Variants in SP3 observed in about 807,000 individuals in gnomAD.
SP3 encodes the protein transcription factor Sp3.
SP3 carries 10 observed loss-of-function variants against 70.3 expected under a neutral mutation model. The observed-to-expected ratio is 0.14, with a 90% CI of 0.09 to 0.24. SP3 has a LOEUF of 0.24. SP3 is among the 10% of genes least tolerant of loss of function. The probability of loss-of-function intolerance (pLI) is 1.00; values close to 1 mark genes in which losing one functional copy is unlikely to be tolerated. For missense variants in SP3, 825 were observed against 914.6 expected (o/e 0.90, Z 1.26); for synonymous variants, 402 against 333.5 (o/e 1.21, Z -2.24).
At chr2:173,918,478 C>A in intron 5 of SP3, 115 bp downstream of exon 5, 2 of 1,126,216 alleles carry the variant, frequency 1.8e-6, no homozygotes, top group African/African-American at 1.5e-5. Context: ...TACACACACA[C>A]CAAAAATGAT....
chr2:173,911,877 G>A (rs1689495243), intron 6 of SP3, among the ~76,000 whole-genome samples: 1 of 136,350 alleles, frequency 7.3e-6, no homozygotes, highest in South Asian at 2.3e-4. Context: ...GCAGTACAGT[G>A]GCATGACCTT....
intron 4 of SP3, among the ~76,000 whole-genome samples, chr2:173,923,937 C>T (rs1184427016): frequency 6.6e-6 from 1 of 151,886 alleles, no homozygotes; most frequent in Non-Finnish European, 1.5e-5. Flanking sequence ...TTCAGAGGTA[C>T]CAAGTTTTTT....
chr2:173,950,607 G>T (rs114930546), intron 4 of SP3, among the ~76,000 whole-genome samples: 2 of 149,842 alleles, frequency 1.3e-5, no homozygotes, highest in Non-Finnish European at 3.0e-5. Context: ...ATCACAATGC[G>T]TTATAATCAT....
intron 3 of SP3, among the ~76,000 whole-genome samples, chr2:173,961,949 T>TTG (rs1559112154): frequency 6.0e-4 from 90 of 150,834 alleles, no homozygotes; most frequent in African/African-American, 2.1e-3. Context: ...TTTTTTTTTT[T>TTG]TTTTTTTTTT....
chr2:173,933,659 T>TATATAC (rs1427296835), intron 4 of SP3, among the ~76,000 whole-genome samples: 2 of 142,166 alleles, frequency 1.4e-5, no homozygotes, highest in African/African-American at 2.6e-5. Flanking sequence ...TATATATATA[T>TATATAC]ATATATATAT....
intron 4 of SP3, among the ~76,000 whole-genome samples, chr2:173,937,527 A>G (rs1357793370): frequency 2.6e-4 from 39 of 152,204 alleles, no homozygotes; most frequent in Admixed American, 2.6e-3. Flanking sequence ...GAGATGTTGG[A>G]ACCAAAATTA....
rs1689566935 is a variant in SP3, at chr2:173,914,188, C to T, written c.1833-922G>A. 5 of 151,858 alleles carry T rather than the reference C, an allele frequency of 3.3e-5. 1 individual carries two copies. The South Asian group carries it at 1.0e-3, about 32-fold the overall frequency. The allele number at this position is 151,858 out of a possible 1,614,324, so 9.4% of individuals were successfully genotyped here. ...TTTTAAAATAAAAAAAAAAATTAGG[C>T]TTGTTACTGAATAAAAATAAATTAG... On this transcript the variant is annotated intron_variant, in intron 5 of 6. Transcript: ENST00000310015.
chr2:173,943,291 C>T (rs570826147), intron 4 of SP3, among the ~76,000 whole-genome samples: 1 of 152,168 alleles, frequency 6.6e-6, no homozygotes, highest in African/African-American at 2.4e-5. Context: ...TTCTAACACT[C>T]CTCATTCATG....
intron 6 of SP3, among the ~76,000 whole-genome samples, chr2:173,910,896 G>C (rs563154905): frequency 6.6e-6 from 1 of 152,250 alleles, no homozygotes; most frequent in South Asian, 2.1e-4. Context: ...AATAAAGTAA[G>C]TTTAAATACA....
At chr2:173,930,530 CTCTT>C (rs1019661204) in intron 4 of SP3, among the ~76,000 whole-genome samples, 2 of 152,130 alleles carry the variant, frequency 1.3e-5, no homozygotes, top group African/African-American at 4.8e-5. Flanking sequence ...TCTAGCTCAT[CTCTT>C]TCTTATAACA....
At position 173,903,822 on chromosome 2, in the gene SP3, G is replaced by C. The variant is rs1166553723; in HGVS notation, c.*6119C>G. ...GGACACATTCTACCAGTCTTTCAAG[G>C]CCCACCCTTTCTGATTCATCCAAGC... On this transcript the variant is annotated 3_prime_UTR_variant, in exon 7 of 7. Transcript: ENST00000310015. Among the ~76,000 whole-genome samples the C allele has an allele frequency of 6.6e-6, 1 of 152,124 alleles. No homozygotes were observed. Among genetic ancestry groups the C allele is most frequent in the African/African-American group, 2.4e-5 (1 of 41,416 alleles).
Position 173,906,385 on chromosome 2 carries a change from G to C in SP3, c.*3556C>G, listed in dbSNP as rs1324011424. 6.6e-6 allele frequency: 1 copy of C among 152,102 alleles called. No individual in the cohort carries two copies. Among genetic ancestry groups the C allele is most frequent in the Admixed American group, 6.5e-5 (1 of 15,282 alleles). 9.4% of individuals were successfully genotyped at this position (152,102 alleles called of 1,614,324 possible). A position where few individuals can be genotyped will look rare whatever the true frequency, so the allele number is the denominator to read the frequency against. On this transcript the variant is annotated 3_prime_UTR_variant, in exon 7 of 7. Coordinates refer to ENST00000310015, the MANE Select transcript of SP3 (RefSeq NM_003111.5). ...GTGATTTCACAAAAATATCAAATTT[G>C]TACCAAAGATATCAATTAATTTGTT... is the stretch of plus-strand genomic sequence containing the variant.
chr2:173,949,486 T>C (rs1690650812), intron 4 of SP3, among the ~76,000 whole-genome samples: 1 of 152,112 alleles, frequency 6.6e-6, no homozygotes, highest in Non-Finnish European at 1.5e-5. Context: ...AAAGCCTAGT[T>C]GTGAAGCCTT....
intron 4 of SP3, among the ~76,000 whole-genome samples, chr2:173,950,082 G>C (rs1274882327): frequency 6.6e-6 from 1 of 152,006 alleles, no homozygotes; most frequent in Admixed American, 6.6e-5. Flanking sequence ...TTTCTCAGTG[G>C]GCCACAAATG....
Position 173,907,547 on chromosome 2 carries a change from T to C in SP3, c.*2394A>G, listed in dbSNP as rs571164499. ...TTTTCAAGACTACTTACTTTCTTCA[T>C]TGCATTCATTCTCCACGAATTCATA... is the stretch of plus-strand genomic sequence containing the variant. On this transcript the variant is annotated 3_prime_UTR_variant, in exon 7 of 7. Transcript: ENST00000310015. 3 of 152,264 alleles carry C rather than the reference T, an allele frequency of 2.0e-5. No individual in the cohort carries two copies. Among genetic ancestry groups the C allele is most frequent in the South Asian group, 4.1e-4 (2 of 4,828 alleles). The allele number at this position is 152,264 out of a possible 1,614,324, so 9.4% of individuals were successfully genotyped here.
chr2:173,917,666 T>C (rs921751670), intron 5 of SP3, among the ~76,000 whole-genome samples: 1 of 152,166 alleles, frequency 6.6e-6, no homozygotes, highest in Non-Finnish European at 1.5e-5. Context: ...AAAGGTATGT[T>C]AATTTTCACC....
In SP3 at chr2:173,906,104, T is replaced by C. The variant is rs1478984762; in HGVS notation, c.*3837A>G. 1.3e-5 allele frequency among the ~76,000 whole-genome samples: 2 copies of C among 152,192 alleles called. No homozygotes were observed. The highest frequency in any genetic ancestry group is 2.9e-5 in the Non-Finnish European group (2 of 68,034). ...ACTGACAAAAAAAATTCTTCTCTTT[T>C]GCAATTTGGCAGCCCCTCTTAAAAA... On this transcript the variant is annotated 3_prime_UTR_variant, in exon 7 of 7. Coordinates refer to ENST00000310015, the MANE Select transcript of SP3 (RefSeq NM_003111.5).
intron 5 of SP3, 40 bp downstream of exon 5, chr2:173,918,553 A>C: frequency 6.4e-7 from 1 of 1,564,348 alleles, no homozygotes; most frequent in South Asian, 1.2e-5. Context: ...GAATGATATT[A>C]GCACTCTTAA....
In SP3 at chr2:173,965,293, A is replaced by G. The variant is rs906922321; in HGVS notation, c.-122T>C. ...CGGACACGGCCGGAGCGGTCCGGGG[A>G]TTTTTTTTTCCTATTTTGATTGACT... On this transcript the variant is annotated 5_prime_UTR_variant, in exon 1 of 7. Transcript: ENST00000310015. 1.8e-4 allele frequency: 211 copies of G among 1,168,242 alleles called. No individual in the cohort carries two copies. The highest frequency in any genetic ancestry group is 2.2e-4 in the Non-Finnish European group (180 of 817,624). 72.4% of individuals were successfully genotyped at this position (1,168,242 alleles called of 1,614,324 possible).
Sources: gnomAD v4.1 joint callset for allele counts (sites outside exome capture counted in the v4.1 genomes callset) on GRCh38, gnomAD v4.1.1 for gene constraint, MANE v1.5 for transcripts, NCBI Gene and HGNC (gene_info 2026-07-23, HGNC 2026-07-21) for gene names.